The following ATP8A2 variants were observed in gnomAD, a reference collection of about 807,000 sequenced individuals.
The protein encoded by ATP8A2 is ATPase phospholipid transporting 8A2.
In ATP8A2, 100 loss-of-function variants were observed where a neutral mutation model predicts 165.6. The observed-to-expected ratio is 0.60, with a 90% CI of 0.51 to 0.71. The LOEUF (loss-of-function observed/expected upper bound fraction) is 0.71, where lower values mean the gene tolerates loss of function less well. Among genes scored for constraint, ATP8A2 ranks in the 30% least tolerant of loss-of-function variants. ATP8A2 has a pLI of 0.00. For missense variants in ATP8A2, 1,227 were observed against 1,479.5 expected (o/e 0.83, Z 2.80); for synonymous variants, 543 against 548.8 (o/e 0.99, Z 0.15).
chr13:25,434,797 A>C (rs1354332937), intron 1 of ATP8A2, among the ~76,000 whole-genome samples: 2 of 152,130 alleles, frequency 1.3e-5, no homozygotes, highest in Admixed American at 6.6e-5. Flanking sequence ...CACATGCTAT[A>C]AGAGGTATGA....
At chr13:25,581,712 T>C (rs560153024) in intron 22 of ATP8A2, 107 bp from the exon 23 acceptor site, 10 of 1,086,310 alleles carry the variant, frequency 9.2e-6, no homozygotes, top group South Asian at 1.3e-5. Context: ...ATAGAGGAAA[T>C]AGAACAACTG....
intron 33 of ATP8A2, among the ~76,000 whole-genome samples, chr13:25,951,480 T>C (rs2139146090): frequency 6.6e-6 from 1 of 152,316 alleles, no homozygotes; most frequent in South Asian, 2.1e-4. Flanking sequence ...AACTGCCTAT[T>C]GAGGGTGGAG....
At chr13:25,934,864 C>T (rs999275805) in intron 33 of ATP8A2, among the ~76,000 whole-genome samples, 1 of 152,158 alleles carries the variant, frequency 6.6e-6, no homozygotes, top group Non-Finnish European at 1.5e-5. Context: ...GAAATTCATA[C>T]AGTTCGGTGT....
intron 24 of ATP8A2, among the ~76,000 whole-genome samples, chr13:25,694,554 G>C (rs140116401): frequency 6.6e-6 from 1 of 152,298 alleles, no homozygotes; most frequent in African/African-American, 2.4e-5. Flanking sequence ...ATTTCCCCAG[G>C]TCAGGGTAAT....
Position 25,574,877 on chromosome 13 carries a change from G to A in ATP8A2, c.1712+20G>A, listed in dbSNP as rs371683444. 62 of 1,356,742 alleles carry A rather than the reference G, an allele frequency of 4.6e-5. No homozygotes were observed. The East Asian group carries it at 6.8e-4, about 15-fold the overall frequency. The allele number at this position is 1,356,742 out of a possible 1,614,324, so 84.0% of individuals were successfully genotyped here. On this transcript the variant is annotated intron_variant, in intron 19 of 36. Transcript: ENST00000381655. ...TTCTAGGTATGTTTCTCTTTCATAC[G>A]TTTGAAATAAAATAATTATATTTAT...
chr13:25,441,080 T>A (rs1006465353), intron 1 of ATP8A2, among the ~76,000 whole-genome samples: 1 of 152,204 alleles, frequency 6.6e-6, no homozygotes, highest in Non-Finnish European at 1.5e-5. Flanking sequence ...GGGATCAGGA[T>A]GTTTCTGTTA....
chr13:25,690,033 T>G (rs2042689140), intron 24 of ATP8A2, among the ~76,000 whole-genome samples: 1 of 152,128 alleles, frequency 6.6e-6, no homozygotes, highest in African/African-American at 2.4e-5. Flanking sequence ...TTCCTGGTAC[T>G]AAAATAAAAA....
intron 24 of ATP8A2, among the ~76,000 whole-genome samples, chr13:25,636,214 A>G (rs2041363847): frequency 6.6e-6 from 1 of 152,136 alleles, no homozygotes; most frequent in South Asian, 2.1e-4. Flanking sequence ...ACTTAGTGTC[A>G]AATACATTCC....
chr13:25,590,805 C>T (rs1274824299), intron 24 of ATP8A2, among the ~76,000 whole-genome samples: 1 of 152,148 alleles, frequency 6.6e-6, no homozygotes, highest in Non-Finnish European at 1.5e-5. Context: ...GCCATAACTC[C>T]TATCGTGAAC....
intron 24 of ATP8A2, among the ~76,000 whole-genome samples, chr13:25,672,472 ATTC>A (rs139136303): frequency 0.035 from 5,312 of 152,206 alleles, 155 homozygotes; most frequent in East Asian, 0.13. Flanking sequence ...GCAGGAAGAT[ATTC>A]TTTTCTAGCA....
chr13:25,900,204 A>G (rs1342319841), intron 33 of ATP8A2, among the ~76,000 whole-genome samples: 1 of 152,196 alleles, frequency 6.6e-6, no homozygotes, highest in Admixed American at 6.5e-5. Context: ...AATGAGCTAT[A>G]GGAGGAGTCA....
intron 33 of ATP8A2, among the ~76,000 whole-genome samples, chr13:25,954,050 G>C (rs914411559): frequency 2.0e-5 from 3 of 152,146 alleles, no homozygotes; most frequent in Non-Finnish European, 2.9e-5. Context: ...AGGGAGCCAA[G>C]TAGTCTAGCT....
At chr13:25,531,345 GAT>G (rs71186891) in intron 4 of ATP8A2, among the ~76,000 whole-genome samples, 3 of 122,512 alleles carry the variant, frequency 2.4e-5, no homozygotes, top group South Asian at 2.6e-4. Flanking sequence ...TGTTATATAT[GAT>G]ATATATGTTA....
At chr13:25,440,933 T>G (rs2034915475) in intron 1 of ATP8A2, among the ~76,000 whole-genome samples, 1 of 152,282 alleles carries the variant, frequency 6.6e-6, no homozygotes, top group East Asian at 1.9e-4. Context: ...AGATGAATAC[T>G]TAAAAGGATT....
chr13:25,452,293 C>T (rs191286691), intron 1 of ATP8A2, among the ~76,000 whole-genome samples: 1 of 152,366 alleles, frequency 6.6e-6, no homozygotes, highest in African/African-American at 2.4e-5. Flanking sequence ...CATCGTCCCA[C>T]CACCACGGGC....
chr13:25,812,259 T>G (rs1216027781), intron 27 of ATP8A2, among the ~76,000 whole-genome samples: 1 of 151,394 alleles, frequency 6.6e-6, no homozygotes, highest in Non-Finnish European at 1.5e-5. Context: ...ATAGTATGTT[T>G]GTCTGAGTCT....
Position 25,558,992 on chromosome 13 carries a change from A to T in ATP8A2, c.1283A>T (p.Asp428Val). The change falls in exon 14 of 37, where the codon GAC (aspartate) becomes GTC (valine). Residue 428 changes from aspartate (D) to valine (V), a missense_variant. Transcript: ENST00000381655. Reference protein sequence around the residue: ...ELGQVKYLFSDKTGTLTCNIM... With the variant: ...ELGQVKYLFSVKTGTLTCNIM... ...GTTTAGGTGAAATATCTCTTTTCTG[A>T]CAAGACTGGAACGCTTACATGCAAT... The T allele has an allele frequency of 6.2e-7, 1 of 1,610,388 alleles. No homozygotes were observed. Among genetic ancestry groups the T allele is most frequent in the Non-Finnish European group, 8.5e-7 (1 of 1,178,134 alleles).
chr13:25,714,976 G>GA (rs1302935367), intron 25 of ATP8A2, among the ~76,000 whole-genome samples: 1 of 152,050 alleles, frequency 6.6e-6, no homozygotes, highest in Non-Finnish European at 1.5e-5. Flanking sequence ...ACTAGAAATA[G>GA]AAAAAAATAT....
intron 33 of ATP8A2, among the ~76,000 whole-genome samples, chr13:25,928,432 C>A (rs1954672372): frequency 6.6e-6 from 1 of 152,180 alleles, no homozygotes; most frequent in South Asian, 2.1e-4. Context: ...GATTTTCATC[C>A]TCTCTAAAAT....
Sources: gnomAD v4.1 joint callset for allele counts (sites outside exome capture counted in the v4.1 genomes callset) on GRCh38, gnomAD v4.1.1 for gene constraint, MANE v1.5 for transcripts, NCBI Gene and HGNC (gene_info 2026-07-23, HGNC 2026-07-21) for gene names.